The following BTBD2 variants were observed in gnomAD, a reference collection of about 807,000 sequenced individuals.
BTBD2 encodes the protein BTB/POZ domain-containing protein 2.
In BTBD2, 15 loss-of-function variants were observed where a neutral mutation model predicts 44.0. The observed-to-expected ratio is 0.34, with a 90% confidence interval of 0.23 to 0.53. The LOEUF (loss-of-function observed/expected upper bound fraction) is 0.53, where lower values mean the gene tolerates loss of function less well. Ranked by LOEUF, BTBD2 falls within the 20% of genes least tolerant of loss-of-function variation. The pLI is 0.95. For synonymous variants in BTBD2, 443 were observed against 335.9 expected (o/e 1.32, Z -3.49); for missense variants, 657 against 746.4 (o/e 0.88, Z 1.39).
chr19:1,988,904 C>T (rs1231848273), intron 5 of BTBD2, among the ~76,000 whole-genome samples: 1 of 152,070 alleles, frequency 6.6e-6, no homozygotes, highest in Non-Finnish European at 1.5e-5. Flanking sequence ...CCAGCCTGGC[C>T]AACAATTGTA....
At chr19:2,007,730 G>A (rs900024694) in intron 1 of BTBD2, among the ~76,000 whole-genome samples, 4 of 152,136 alleles carry the variant, frequency 2.6e-5, no homozygotes, top group African/African-American at 9.7e-5. Flanking sequence ...GGAGGCTGAG[G>A]CAAGAGAACT....
chr19:2,001,423 C>T (rs145561732), intron 1 of BTBD2, among the ~76,000 whole-genome samples: 88 of 152,154 alleles, frequency 5.8e-4, no homozygotes, highest in Middle Eastern at 3.4e-3. Flanking sequence ...ACCCTGGAGG[C>T]GGAGGTCGCA....
intron 2 of BTBD2, among the ~76,000 whole-genome samples, chr19:1,996,478 C>T (rs1374362747): frequency 7.2e-6 from 1 of 139,058 alleles, no homozygotes; most frequent in Non-Finnish European, 1.5e-5. Context: ...CTGATGTTTC[C>T]TTTTTTTTGT....
chr19:1,986,798 C>G lies in BTBD2; in HGVS notation c.1416+32G>C, dbSNP rs1238296320. On this transcript the variant is annotated intron_variant, in intron 8 of 8. Coordinates refer to ENST00000255608, the MANE Select transcript of BTBD2 (RefSeq NM_017797.4). The stretch of plus-strand genomic sequence containing the variant: ...TGGCTTCAGGATGGGCCAGAGACTC[C>G]CACGGAGGGACCCCTGTCCCCGGCG... 6 of 1,583,784 alleles carry G rather than the reference C, an allele frequency of 3.8e-6. No individual in the cohort carries two copies. The African/African-American group carries it at 6.7e-5, about 18-fold the overall frequency.
At chr19:2,008,604 T>C (rs1486305102) in intron 1 of BTBD2, among the ~76,000 whole-genome samples, 2 of 150,096 alleles carry the variant, frequency 1.3e-5, no homozygotes, top group Non-Finnish European at 3.0e-5. Flanking sequence ...TTTTTTTTTT[T>C]TTTTAGGGAC....
intron 1 of BTBD2, among the ~76,000 whole-genome samples, chr19:2,000,230 C>T (rs1332050243): frequency 2.0e-5 from 3 of 152,170 alleles, no homozygotes; most frequent in East Asian, 1.9e-4. Flanking sequence ...GCCGCCCGCC[C>T]GTCTGCCCTC....
intron 1 of BTBD2, among the ~76,000 whole-genome samples, chr19:2,009,398 C>T (rs1426450780): frequency 6.6e-6 from 1 of 151,688 alleles, no homozygotes; most frequent in Non-Finnish European, 1.5e-5. Context: ...CGGGGTTTCA[C>T]CATGTTGTCC....
At chr19:2,002,279 CTA>C (rs1329636306) in intron 1 of BTBD2, among the ~76,000 whole-genome samples, 1 of 152,172 alleles carries the variant, frequency 6.6e-6, no homozygotes, top group African/African-American at 2.4e-5. Flanking sequence ...CGGGGTCTCG[CTA>C]TGTTGCCCAG....
At chr19:2,013,275 A>T (rs763599270) in intron 1 of BTBD2, among the ~76,000 whole-genome samples, 1 of 151,944 alleles carries the variant, frequency 6.6e-6, no homozygotes, top group African/African-American at 2.4e-5. Context: ...CCCCCGACCA[A>T]TGAGGGGCAG....
At chr19:2,013,741 G>A in intron 1 of BTBD2, 1 of 929,230 alleles carries the variant, frequency 1.1e-6, no homozygotes, top group Non-Finnish European at 1.3e-6. Context: ...AGCATGGTTT[G>A]AAGGTCTCTG....
intron 1 of BTBD2, among the ~76,000 whole-genome samples, chr19:2,004,785 C>A (rs1369345775): frequency 6.6e-6 from 1 of 151,128 alleles, no homozygotes; most frequent in Non-Finnish European, 1.5e-5. Context: ...TTGAGACCAG[C>A]CTCGGCAACA....
chr19:2,013,689 T>C, intron 1 of BTBD2: 3 of 983,374 alleles, frequency 3.1e-6, no homozygotes. Flanking sequence ...TAGTCTATGA[T>C]CTGGACTGCA....
chr19:2,015,428 G>T lies in BTBD2; in HGVS notation c.276C>A (p.Ala92=). The T allele has an allele frequency of 2.0e-6, 3 of 1,510,658 alleles. No homozygotes were observed. Among genetic ancestry groups the T allele is most frequent in the Non-Finnish European group, 2.6e-6 (3 of 1,136,474 alleles). The allele number at this position is 1,510,658 out of a possible 1,614,324, so 93.6% of individuals were successfully genotyped here. A position where few individuals can be genotyped will look rare whatever the true frequency, so the allele number is the denominator to read the frequency against. The change falls in exon 1 of 9, where the codon GCC becomes GCA. Residue 92 remains alanine (A), a synonymous_variant. Coordinates refer to ENST00000255608, the MANE Select transcript of BTBD2 (RefSeq NM_017797.4). ...GPGAAALQRE[A]AYNWQASKPT... is the part of the protein sequence containing the mutation. ...GCTTGCTGGCCTGCCAGTTGTACGC[G>T]GCCTCGCGCTGCAGCGCCGCCGCCC...
intron 2 of BTBD2, among the ~76,000 whole-genome samples, chr19:1,993,932 T>C (rs892985339): frequency 1.6e-5 from 2 of 122,974 alleles, no homozygotes; most frequent in East Asian, 5.0e-4. Context: ...GGGAGGCAGA[T>C]GTTGCAGTGA....
chr19:1,989,476 G>C (rs577471171), intron 5 of BTBD2: 113 of 178,950 alleles, frequency 6.3e-4, no homozygotes, highest in African/African-American at 2.5e-3. Flanking sequence ...CCAGGGCTCT[G>C]TCCCAGCCCC....
chr19:2,008,814 T>C (rs2016427050), intron 1 of BTBD2, among the ~76,000 whole-genome samples: 1 of 150,020 alleles, frequency 6.7e-6, no homozygotes. Context: ...CAAGTGATCC[T>C]CCCACCTCAG....
At chr19:1,994,746 G>A (rs915606027) in intron 2 of BTBD2, among the ~76,000 whole-genome samples, 15 of 152,066 alleles carry the variant, frequency 9.9e-5, no homozygotes, top group Admixed American at 3.3e-4. Flanking sequence ...GTGGCAGAGC[G>A]CTACTCCATC....
At chr19:2,000,647 C>T (rs2016317501) in intron 1 of BTBD2, among the ~76,000 whole-genome samples, 1 of 152,218 alleles carries the variant, frequency 6.6e-6, no homozygotes, top group Non-Finnish European at 1.5e-5. Context: ...CGTGAGTCCC[C>T]AGCCCCACTC....
At chr19:1,991,141 G>C (rs1014404732) in intron 3 of BTBD2, 6 of 271,314 alleles carry the variant, frequency 2.2e-5, no homozygotes, top group South Asian at 3.8e-5. Flanking sequence ...CTGCACTCGG[G>C]GGGCAGCAGG....
Sources: allele counts gnomAD v4.1 joint callset (sites outside exome capture counted in the v4.1 genomes callset), GRCh38; gene constraint gnomAD v4.1.1; transcripts MANE v1.5; gene names NCBI Gene and HGNC (gene_info 2026-07-23, HGNC 2026-07-21).